RCAN1: variants seen among roughly 807,000 people sequenced by gnomAD.
RCAN1 encodes regulator of calcineurin 1, also known as calcipressin-1.
Under a neutral mutation model 22.9 loss-of-function variants are expected in RCAN1, and 11 were observed. That is an observed-to-expected ratio of 0.48 (90% confidence interval 0.30 to 0.79). The LOEUF is 0.79. RCAN1 is among the 30% of genes least tolerant of loss of function. The pLI is 0.06. For missense variants in RCAN1, 291 were observed against 337.8 expected, an observed-to-expected ratio of 0.86 and a Z score of 1.09; for synonymous variants, 136 against 142.3, an observed-to-expected ratio of 0.96 and a Z score of 0.32.
intron 1 of RCAN1, among the ~76,000 whole-genome samples, chr21:34,607,592 T>C (rs1988568721): frequency 6.6e-6 from 1 of 152,206 alleles, no homozygotes; most frequent in Non-Finnish European, 1.5e-5. Context: ...GGTTTCACCA[T>C]GTTGGCCATG....
At chr21:34,547,091 G>T (rs1021397655) in intron 1 of RCAN1, among the ~76,000 whole-genome samples, 1 of 152,142 alleles carries the variant, frequency 6.6e-6, no homozygotes, top group Non-Finnish European at 1.5e-5. Context: ...ACAAAGGGTC[G>T]CAAACAAACT....
At chr21:34,584,889 G>A (rs185506361) in intron 1 of RCAN1, among the ~76,000 whole-genome samples, 5 of 152,192 alleles carry the variant, frequency 3.3e-5, no homozygotes, top group Non-Finnish European at 7.4e-5. Context: ...GTCCTTAATC[G>A]CTTCATGTAA....
intron 1 of RCAN1, among the ~76,000 whole-genome samples, chr21:34,539,242 C>CA (rs1305057610): frequency 6.6e-6 from 1 of 151,948 alleles, no homozygotes; most frequent in Non-Finnish European, 1.5e-5. Flanking sequence ...ATAAAATATG[C>CA]AAAAATATAG....
At position 34,569,052 on chromosome 21, in the gene RCAN1, C is replaced by T. The variant is rs1028573291; in HGVS notation, c.253-45342G>A. Among the ~76,000 whole-genome samples the T allele has an allele frequency of 5.3e-5, 8 of 152,280 alleles. No homozygotes were observed. In the East Asian group the frequency reaches 5.8e-4, roughly 11 times the overall value. On this transcript the variant is annotated intron_variant, in intron 1 of 3. Transcript: ENST00000313806. Reference sequence around the variant, plus strand: ...ACCATGAGAAAAGCATGGGGGACACCGCCCCCAGGATTCAAATGATCTCCC... The same window carrying T: ...ACCATGAGAAAAGCATGGGGGACACTGCCCCCAGGATTCAAATGATCTCCC...
rs1267658397 is a variant in RCAN1 at position 34,537,579 on chromosome 21, G to C, written c.253-13869C>G. On this transcript the variant is annotated intron_variant, in intron 1 of 3. Transcript: ENST00000313806. ...AATACCCCAGGCCTCATCACTGTCT[G>C]TGGTCTACTCGCCCCTCCACCAATG... Among the ~76,000 whole-genome samples the C allele has an allele frequency of 3.9e-5, 6 of 152,354 alleles. No individual in the cohort carries two copies. In the East Asian group the frequency reaches 1.2e-3, roughly 29 times the overall value.
At chr21:34,585,742 C>CAAAAA (rs59014706) in intron 1 of RCAN1, among the ~76,000 whole-genome samples, 27 of 45,936 alleles carry the variant, frequency 5.9e-4, no homozygotes, top group African/African-American at 9.7e-4. Flanking sequence ...GACTCCATCT[C>CAAAAA]AAAAAAAAAA....
chr21:34,587,007 A>C (rs1223530051), intron 1 of RCAN1, among the ~76,000 whole-genome samples: 1 of 152,126 alleles, frequency 6.6e-6, no homozygotes, highest in Non-Finnish European at 1.5e-5. Context: ...TGAAACAGAA[A>C]ACAAAAAAAC....
At chr21:34,543,694 C>T (rs1233979392) in intron 1 of RCAN1, among the ~76,000 whole-genome samples, 1 of 152,246 alleles carries the variant, frequency 6.6e-6, no homozygotes, top group African/African-American at 2.4e-5. Flanking sequence ...CAATAAACTG[C>T]TGTCCTTTTA....
At chr21:34,528,453 A>G (rs1002691427) in intron 1 of RCAN1, among the ~76,000 whole-genome samples, 3 of 152,246 alleles carry the variant, frequency 2.0e-5, no homozygotes, top group Non-Finnish European at 2.9e-5. Context: ...AGTGTAGAAT[A>G]CTGAACAATG....
intron 1 of RCAN1, among the ~76,000 whole-genome samples, chr21:34,578,415 A>G (rs1601193731): frequency 6.6e-6 from 1 of 152,182 alleles, no homozygotes; most frequent in African/African-American, 2.4e-5. Flanking sequence ...GCCATCAGCC[A>G]GCATCAGCCA....
intron 1 of RCAN1, among the ~76,000 whole-genome samples, chr21:34,604,394 A>C (rs2123729981): frequency 6.6e-6 from 1 of 152,252 alleles, no homozygotes; most frequent in East Asian, 1.9e-4. Context: ...AGCCTCCCAA[A>C]GTGCTGAAAT....
At chr21:34,563,602 A>T (rs1986872929) in intron 1 of RCAN1, among the ~76,000 whole-genome samples, 1 of 151,540 alleles carries the variant, frequency 6.6e-6, no homozygotes, top group African/African-American at 2.4e-5. Context: ...GTCCATTCTC[A>T]CACTGCTATA....
intron 1 of RCAN1, among the ~76,000 whole-genome samples, chr21:34,609,597 C>T (rs1402226088): frequency 3.3e-5 from 5 of 152,238 alleles, no homozygotes; most frequent in African/African-American, 1.2e-4. Flanking sequence ...CAGCTCCTGC[C>T]TTAGCTATTC....
intron 1 of RCAN1, among the ~76,000 whole-genome samples, chr21:34,572,051 G>C (rs1266457402): frequency 6.6e-6 from 1 of 152,172 alleles, no homozygotes; most frequent in Non-Finnish European, 1.5e-5. Context: ...GTACCCAGTT[G>C]TTCCAAAGAC....
At chr21:34,526,679 C>CT in intron 1 of RCAN1, 1 of 1,613,168 alleles carries the variant, frequency 6.2e-7, no homozygotes, top group Non-Finnish European at 8.5e-7. Context: ...TTCACTTTCG[C>CT]TGAAGATATC....
In RCAN1 at chr21:34,578,448, G is replaced by C. The variant is rs940975062; in HGVS notation, c.252+36312C>G. Reference sequence around the variant, plus strand: ...CCAGATCCCCTAGGAATCTGCATCAGAACAAACTACCTATTCTTATCATCT... The same window carrying C: ...CCAGATCCCCTAGGAATCTGCATCACAACAAACTACCTATTCTTATCATCT... On this transcript the variant is annotated intron_variant, in intron 1 of 3. Coordinates refer to ENST00000313806, the MANE Select transcript of RCAN1 (RefSeq NM_004414.7). Among the ~76,000 whole-genome samples, 5 of 152,212 alleles carry C rather than the reference G, an allele frequency of 3.3e-5. No homozygotes were observed. In the East Asian group the frequency reaches 9.6e-4, roughly 29 times the overall value.
At chr21:34,606,965 A>G (rs1988544419) in intron 1 of RCAN1, among the ~76,000 whole-genome samples, 1 of 152,232 alleles carries the variant, frequency 6.6e-6, no homozygotes, top group South Asian at 2.1e-4. Context: ...GTGATAAAAT[A>G]AGACATGCTA....
intron 1 of RCAN1, among the ~76,000 whole-genome samples, chr21:34,572,293 T>C (rs1243431539): frequency 6.6e-6 from 1 of 152,156 alleles, no homozygotes; most frequent in African/African-American, 2.4e-5. Context: ...CCGGACCCAC[T>C]GCTTCTCCAG....
chr21:34,591,417 G>A (rs1987969117), intron 1 of RCAN1, among the ~76,000 whole-genome samples: 1 of 152,144 alleles, frequency 6.6e-6, no homozygotes, highest in Non-Finnish European at 1.5e-5. Context: ...GGTGAGCCAT[G>A]GCTTTCTGGG....
Sources: gnomAD v4.1 joint callset for allele counts (sites outside exome capture counted in the v4.1 genomes callset) on GRCh38, gnomAD v4.1.1 for gene constraint, MANE v1.5 for transcripts, NCBI Gene and HGNC (gene_info 2026-07-23, HGNC 2026-07-21) for gene names.